Variants in LTBP1 observed in about 807,000 individuals in gnomAD.
LTBP1 encodes the protein latent transforming growth factor beta binding protein 1.
In LTBP1, 129 loss-of-function variants were observed where a neutral mutation model predicts 207.6. The observed-to-expected ratio is 0.62, with a 90% CI of 0.54 to 0.72. The LOEUF (loss-of-function observed/expected upper bound fraction) is 0.72. Ranked by LOEUF, LTBP1 falls within the 30% of genes least tolerant of loss-of-function variation. The pLI is 0.00. For missense variants in LTBP1, 2,281 were observed against 2,217.2 expected (o/e 1.03, Z -0.58); for synonymous variants, 963 against 833.7 (o/e 1.16, Z -2.67).
chr2:33,283,638 A>G (rs948095658), intron 19 of LTBP1, among the ~76,000 whole-genome samples: 2 of 152,022 alleles, frequency 1.3e-5, no homozygotes, highest in Middle Eastern at 3.4e-3. Flanking sequence ...GGGTTTCACC[A>G]TGTTAGCCAG....
At chr2:32,959,387 C>T (rs1678628099) in intron 2 of LTBP1, among the ~76,000 whole-genome samples, 1 of 151,572 alleles carries the variant, frequency 6.6e-6, no homozygotes, top group Non-Finnish European at 1.5e-5. Context: ...CAGTAAGAAG[C>T]CACCAATGGA....
At chr2:33,297,218 T>A (rs938713038) in intron 20 of LTBP1, among the ~76,000 whole-genome samples, 1 of 152,118 alleles carries the variant, frequency 6.6e-6, no homozygotes, top group African/African-American at 2.4e-5. Flanking sequence ...CCGATTCTAA[T>A]GGCGTCTTCC....
intron 2 of LTBP1, among the ~76,000 whole-genome samples, chr2:32,997,223 C>A (rs886843489): frequency 2.0e-5 from 3 of 152,104 alleles, no homozygotes; most frequent in African/African-American, 7.2e-5. Flanking sequence ...CCAATCAAAA[C>A]TCAGTGGCCA....
chr2:33,340,566 G>C (rs2094606885), intron 24 of LTBP1, among the ~76,000 whole-genome samples: 1 of 152,214 alleles, frequency 6.6e-6, no homozygotes, highest in Non-Finnish European at 1.5e-5. Context: ...TGACTGACCG[G>C]AAGATGATCA....
chr2:33,006,935 C>A (rs1419927584), intron 2 of LTBP1, among the ~76,000 whole-genome samples: 2 of 152,198 alleles, frequency 1.3e-5, no homozygotes, highest in East Asian at 3.9e-4. Flanking sequence ...TTATATTTCA[C>A]AGTGAGGCTT....
At chr2:32,954,431 A>G (rs1427880075) in intron 2 of LTBP1, among the ~76,000 whole-genome samples, 1 of 151,866 alleles carries the variant, frequency 6.6e-6, no homozygotes, top group African/African-American at 2.4e-5. Flanking sequence ...TGGCCTGTAG[A>G]TGGCCGTCTC....
intron 2 of LTBP1, among the ~76,000 whole-genome samples, chr2:33,017,382 C>T (rs140660909): frequency 0.01 from 1,578 of 152,246 alleles, 12 homozygotes; most frequent in Middle Eastern, 0.034. Flanking sequence ...TGTGCATCGA[C>T]GTCGCTTGGA....
chr2:33,295,941 G>A (rs2093866624), intron 20 of LTBP1, among the ~76,000 whole-genome samples: 1 of 152,134 alleles, frequency 6.6e-6, no homozygotes, highest in Non-Finnish European at 1.5e-5. Context: ...GAGCAACAGT[G>A]GATCTTGGCC....
At position 33,292,405 on chromosome 2, in the gene LTBP1, C is replaced by A. The variant is rs1004056440; in HGVS notation, c.3113-755C>A. Among the ~76,000 whole-genome samples, 8 of 152,168 alleles carry A rather than the reference C, an allele frequency of 5.3e-5. No homozygotes were observed. The East Asian group carries it at 5.8e-4, about 11-fold the overall frequency. On this transcript the variant is annotated intron_variant, in intron 19 of 33. Coordinates refer to ENST00000404816, the MANE Select transcript of LTBP1 (RefSeq NM_206943.4). ...GCTTGGGTTCACATCTCAGAACCAC[C>A]ATTTTCTATGTGGCGTTGGGCTGGT...
intron 3 of LTBP1, among the ~76,000 whole-genome samples, chr2:33,056,924 G>T (rs1210524800): frequency 6.6e-6 from 1 of 152,072 alleles, no homozygotes; most frequent in Non-Finnish European, 1.5e-5. Context: ...GAGCCAGTTG[G>T]TCTGTTTTAC....
rs879714056 is a variant in LTBP1 at position 33,078,857 on chromosome 2, C to CTTTTTTTTTTTTTTTTTTTT, written c.864-31721_864-31720insTTTTTTTTTTTTTTTTTTTT. ...CTTCTCTTCTGTTTTCTTTTCTTTT[C>CTTTTTTTTTTTTTTTTTTTT]TTTTCTTTTTTTTTTTTTTTGAGAC... is the stretch of plus-strand genomic sequence containing the variant. On this transcript the variant is annotated intron_variant, in intron 3 of 33. Coordinates refer to ENST00000404816, the MANE Select transcript of LTBP1 (RefSeq NM_206943.4). Among the ~76,000 whole-genome samples, 23 of 92,154 alleles carry CTTTTTTTTTTTTTTTTTTTT rather than the reference C, an allele frequency of 2.5e-4. 2 individuals are homozygous for CTTTTTTTTTTTTTTTTTTTT. The highest frequency in any genetic ancestry group is 4.7e-4 in the South Asian group (1 of 2,144). 60.5% of individuals were successfully genotyped at this position (92,154 alleles called of 152,430 possible).
intron 32 of LTBP1, among the ~76,000 whole-genome samples, chr2:33,391,759 G>A (rs61292709): frequency 0.076 from 11,579 of 151,870 alleles, 1,339 homozygotes; most frequent in African/African-American, 0.25. Flanking sequence ...GAAATGTCTG[G>A]CTTATGTACC....
intron 11 of LTBP1, among the ~76,000 whole-genome samples, chr2:33,254,939 T>A (rs913194606): frequency 2.1e-5 from 3 of 141,046 alleles, no homozygotes; most frequent in Non-Finnish European, 1.5e-5. Context: ...CATTTTTTTT[T>A]ATTATACTTT....
intron 5 of LTBP1, among the ~76,000 whole-genome samples, chr2:33,135,313 G>A (rs2082055208): frequency 6.6e-6 from 1 of 152,210 alleles, no homozygotes; most frequent in Admixed American, 6.5e-5. Context: ...CCAGTGATAA[G>A]TGGAATTTGT....
intron 31 of LTBP1, among the ~76,000 whole-genome samples, chr2:33,387,722 A>G (rs2095278959): frequency 7.8e-6 from 1 of 127,564 alleles, no homozygotes; most frequent in Admixed American, 9.2e-5. Flanking sequence ...GGTTCACAGT[A>G]TTGCCTTGGT....
At chr2:32,954,585 C>T (rs1677754970) in intron 2 of LTBP1, among the ~76,000 whole-genome samples, 1 of 136,384 alleles carries the variant, frequency 7.3e-6, no homozygotes, top group South Asian at 2.6e-4. Flanking sequence ...ACCTTGATTA[C>T]CTCTGTAAAG....
chr2:33,256,553 C>T (rs1281776285), intron 11 of LTBP1, among the ~76,000 whole-genome samples: 3 of 151,258 alleles, frequency 2.0e-5, no homozygotes, highest in African/African-American at 7.3e-5. Flanking sequence ...AATGAAATTA[C>T]ATCAAAGCGG....
At chr2:32,999,119 G>C (rs1685722129) in intron 2 of LTBP1, among the ~76,000 whole-genome samples, 1 of 152,200 alleles carries the variant, frequency 6.6e-6, no homozygotes, top group South Asian at 2.1e-4. Context: ...AGAACCACTA[G>C]ATCCTTGTGA....
intron 3 of LTBP1, among the ~76,000 whole-genome samples, chr2:33,044,497 C>T (rs576594007): frequency 6.6e-6 from 1 of 152,274 alleles, no homozygotes; most frequent in Admixed American, 6.5e-5. Flanking sequence ...GCCACATTTT[C>T]TTTATCCAGT....
Sources: allele counts gnomAD v4.1 joint callset (sites outside exome capture counted in the v4.1 genomes callset), GRCh38; gene constraint gnomAD v4.1.1; transcripts MANE v1.5; gene names NCBI Gene and HGNC (gene_info 2026-07-23, HGNC 2026-07-21).